Variants in EXOSC10 observed in about 807,000 individuals in gnomAD.
EXOSC10 encodes exosome component 10.
EXOSC10 carries 94 observed loss-of-function variants against 126.6 expected under a neutral mutation model. That is an observed-to-expected ratio of 0.74 (90% CI 0.63 to 0.88). The LOEUF (loss-of-function observed/expected upper bound fraction) is 0.88, where lower values mean the gene tolerates loss of function less well. Among genes scored for constraint, EXOSC10 ranks in the 40% least tolerant of loss-of-function variants. The pLI, the probability that EXOSC10 is intolerant of heterozygous loss-of-function variation, is 0.00. For missense variants in EXOSC10, 1,041 were observed against 1,100.5 expected (o/e 0.95, Z 0.77); for synonymous variants, 395 against 400.8 (o/e 0.99, Z 0.17).
intron 16 of EXOSC10, 70 bp from the exon 17 acceptor site, chr1:11,077,018 T>C (rs1328274308): frequency 4.9e-6 from 6 of 1,216,474 alleles, no homozygotes; most frequent in Non-Finnish European, 7.2e-6. Context: ...TGAGATGGAG[T>C]TTTAGTGTAG....
chr1:11,079,196 G>A (rs1639996287), intron 14 of EXOSC10, among the ~76,000 whole-genome samples: 2 of 151,560 alleles, frequency 1.3e-5, no homozygotes, highest in Non-Finnish European at 2.9e-5. Flanking sequence ...AGGCGTGGTG[G>A]TGCATGCCTG....
At chr1:11,080,412 G>T in intron 13 of EXOSC10, 87 bp downstream of exon 13, 2 of 1,505,594 alleles carry the variant, frequency 1.3e-6, no homozygotes, top group South Asian at 1.1e-5. Flanking sequence ...AAGCAGCCTT[G>T]GGTAATAGCA....
In EXOSC10 at chr1:11,088,181, T is replaced by A. The variant is rs142336238; in HGVS notation, c.776A>T (p.Gln259Leu). The change falls in exon 7 of 25, where the codon CAA (glutamine) becomes CTA (leucine). Residue 259 changes from glutamine (Q) to leucine (L), a missense_variant. Coordinates refer to ENST00000376936, the MANE Select transcript of EXOSC10 (RefSeq NM_001001998.3). Reference protein sequence around the residue: ...VEQDMFAHPYQYELNHFTPAD... With the variant: ...VEQDMFAHPYLYELNHFTPAD... ...TGGGGTAAAGTGATTTAGTTCATAT[T>A]GATAAGGATGTGCAAACCTGAGTAA... 1.6e-4 allele frequency: 259 copies of A among 1,612,278 alleles called. No individual in the cohort carries two copies. Among genetic ancestry groups the A allele is most frequent in the Non-Finnish European group, 2.1e-4 (243 of 1,179,362 alleles).
chr1:11,095,760 C>G lies in EXOSC10; in HGVS notation c.370G>C (p.Val124Leu). The change falls in exon 3 of 25, where the codon GTG becomes CTG. Residue 124 changes from valine (V) to leucine (L), a missense_variant and splice_region_variant. Physicochemically the swap from Val to Leu is conservative, Grantham distance 32. Transcript: ENST00000376936. ...VDANDVILER[V>L]GILLDEASGV... The stretch of plus-strand genomic sequence containing the variant: ...AAAGAGTAAGGGAAAATACTCACCA[C>G]TCTCTCCAGAATTACATCATTGGCA... 1 of 1,613,886 alleles carries G rather than the reference C, an allele frequency of 6.2e-7. No individual in the cohort carries two copies. The highest frequency in any genetic ancestry group is 8.5e-7 in the Non-Finnish European group (1 of 1,179,810).
intron 4 of EXOSC10, 29 bp downstream of exon 4, chr1:11,091,464 G>C: frequency 6.4e-7 from 1 of 1,568,176 alleles, no homozygotes; most frequent in African/African-American, 1.4e-5. Context: ...CTGACATCAA[G>C]AGCTCTAGTT....
chr1:11,073,398 C>T (rs902289385), intron 19 of EXOSC10, among the ~76,000 whole-genome samples: 1 of 152,116 alleles, frequency 6.6e-6, no homozygotes, highest in Non-Finnish European at 1.5e-5. Flanking sequence ...TCTCAAAGTG[C>T]TGGGATTACA....
intron 9 of EXOSC10, among the ~76,000 whole-genome samples, chr1:11,084,878 T>C (rs541437683): frequency 6.6e-6 from 1 of 152,356 alleles, no homozygotes; most frequent in East Asian, 1.9e-4. Context: ...ATTTATTAAA[T>C]AGGGAATCCT....
intron 5 of EXOSC10, 23 bp from the exon 6 acceptor site, chr1:11,090,691 A>C: frequency 6.6e-7 from 1 of 1,513,940 alleles, no homozygotes; most frequent in Non-Finnish European, 9.1e-7. Context: ...GCAGTGACAA[A>C]AACATCATTA....
chr1:11,091,177 T>C lies in EXOSC10; in HGVS notation c.480A>G (p.Ala160=). Residue 160 remains alanine (A), a splice_region_variant and synonymous_variant, in exon 5 of 25, where the codon GCA becomes GCG. Coordinates refer to ENST00000376936, the MANE Select transcript of EXOSC10 (RefSeq NM_001001998.3). ...KTVVSSWNRK[A]AEYGKKAKSE... is the part of the protein sequence containing the mutation. ...ATTTTGCTTTTTTGCCATATTCTGC[T>C]GCCTATGATCAATGAATACAAATAC... 6.2e-7 allele frequency: 1 copy of C among 1,613,066 alleles called. No homozygotes were observed. Among genetic ancestry groups the C allele is most frequent in the East Asian group, 2.2e-5 (1 of 44,882 alleles).
intron 21 of EXOSC10, chr1:11,070,679 A>G (rs932579837): frequency 4.1e-5 from 22 of 535,486 alleles, no homozygotes; most frequent in Non-Finnish European, 6.9e-5. Context: ...TGGCATATTT[A>G]CCATAAACAC....
intron 17 of EXOSC10, among the ~76,000 whole-genome samples, chr1:11,076,451 G>A (rs1471405884): frequency 6.6e-6 from 1 of 152,218 alleles, no homozygotes; most frequent in Non-Finnish European, 1.5e-5. Flanking sequence ...TCATCGGACA[G>A]TACACCCATG....
intron 2 of EXOSC10, 60 bp downstream of exon 2, chr1:11,097,960 A>G: frequency 7.1e-7 from 1 of 1,407,360 alleles, no homozygotes; most frequent in Non-Finnish European, 9.3e-7. Flanking sequence ...GGAAAAATTT[A>G]TCTACTTCTT....
At chr1:11,085,034 T>G (rs1291362558) in intron 9 of EXOSC10, among the ~76,000 whole-genome samples, 2 of 152,184 alleles carry the variant, frequency 1.3e-5, no homozygotes, top group African/African-American at 4.8e-5. Context: ...ACTGTAGCCT[T>G]GTAGTATAGT....
chr1:11,099,552 G>T, intron 1 of EXOSC10, 169 bp downstream of exon 1: 1 of 619,492 alleles, frequency 1.6e-6, no homozygotes, highest in Non-Finnish European at 2.6e-6. Flanking sequence ...CCGTTTCCGA[G>T]GCCCCATCCC....
intron 2 of EXOSC10, 103 bp downstream of exon 2, chr1:11,097,917 C>T (rs901290052): frequency 8.3e-7 from 1 of 1,204,398 alleles, no homozygotes; most frequent in Non-Finnish European, 1.1e-6. Context: ...GCTCTTCATA[C>T]CACAGAAAAT....
In EXOSC10 at chr1:11,077,641, G is replaced by A. The variant is rs1313351041; in HGVS notation, c.1760C>T (p.Ala587Val). Reference protein sequence around the residue: ...REMPLLKSEVAAGVKKSGPLP... With the variant: ...REMPLLKSEVVAGVKKSGPLP... The stretch of plus-strand genomic sequence containing the variant: ...CGGTCCGCTCTTCTTCACTCCGGCT[G>A]CAACTTCAGACTAAGGAAAAAAACG... The change falls in exon 15 of 25, where the codon GCA becomes GTA. Residue 587 changes from alanine to valine, a missense_variant. Ala to Val is a moderately conservative substitution (Grantham distance 64, BLOSUM62 0). This residue lies in a region of EXOSC10 where 388 missense variants were observed against 415.2 expected (regional missense o/e 0.93). Coordinates refer to ENST00000376936, the MANE Select transcript of EXOSC10 (RefSeq NM_001001998.3). The A allele has an allele frequency of 1.2e-5, 20 of 1,609,700 alleles. 1 individual carries two copies. The highest frequency in any genetic ancestry group is 1.7e-5 in the Non-Finnish European group (20 of 1,176,486).
chr1:11,080,924 T>C lies in EXOSC10; in HGVS notation c.1438-12A>G, dbSNP rs1320179159. The stretch of plus-strand genomic sequence containing the variant: ...GGTTTGATGAATTTCTACAAAGTAT[T>C]AGAGAACATTCAAAATCAACGGGAA... On this transcript the variant is annotated splice_polypyrimidine_tract_variant and intron_variant, in intron 11 of 24. Transcript: ENST00000376936. 1 of 1,595,420 alleles carries C rather than the reference T, an allele frequency of 6.3e-7. No individual in the cohort carries two copies. The highest frequency in any genetic ancestry group is 1.8e-5 in the Admixed American group (1 of 55,946).
At chr1:11,082,284 C>A (rs1640212744) in intron 10 of EXOSC10, among the ~76,000 whole-genome samples, 1 of 151,964 alleles carries the variant, frequency 6.6e-6, no homozygotes, top group African/African-American at 2.4e-5. Context: ...AGCTAAACAA[C>A]AGTGTCCCTT....
rs1250331433 is a variant in EXOSC10, at chr1:11,081,046, AG to A, written c.1437+35del. On this transcript the variant is annotated intron_variant, in intron 11 of 24. Transcript: ENST00000376936. ...AGAACCTGGCCAGACACAGAGCCCA[AG>A]TGTCGCGGTCTGTGTGACTGCGGCT... The A allele has an allele frequency of 3.1e-6, 5 of 1,609,088 alleles. 1 individual carries two copies. The South Asian group carries it at 5.5e-5, about 18-fold the overall frequency.
Sources: gnomAD v4.1 joint callset for allele counts (sites outside exome capture counted in the v4.1 genomes callset) on GRCh38, gnomAD v4.1.1 for gene constraint, gnomAD v4.1.1 regional missense constraint, MANE v1.5 for transcripts, NCBI Gene and HGNC (gene_info 2026-07-23, HGNC 2026-07-21) for gene names.